The following PPP4R1 variants were observed in gnomAD, a reference collection of about 807,000 sequenced individuals.
The protein encoded by PPP4R1 is protein phosphatase 4 regulatory subunit 1, also known as serine/threonine-protein phosphatase 4 regulatory subunit 1.
PPP4R1 carries 42 observed loss-of-function variants against 111.2 expected under a neutral mutation model. The ratio of observed to expected loss-of-function variants is 0.38; its 90% CI spans 0.29 to 0.49. The LOEUF (loss-of-function observed/expected upper bound fraction) is 0.49. PPP4R1 is among the 20% of genes least tolerant of loss of function. The probability of loss-of-function intolerance (pLI) is 0.97; values close to 1 mark genes in which losing one functional copy is unlikely to be tolerated. For missense variants in PPP4R1, 1,012 were observed against 1,161.6 expected, an observed-to-expected ratio of 0.87 and a Z score of 1.87; for synonymous variants, 409 against 405.5, an observed-to-expected ratio of 1.01 and a Z score of -0.10.
At chr18:9,594,055 G>C in intron 3 of PPP4R1, 181 bp from the exon 4 acceptor site, 2 of 533,766 alleles carry the variant, frequency 3.7e-6, no homozygotes, top group Non-Finnish European at 6.8e-6. Context: ...AGCCTCCTGA[G>C]TAGCTGAGAC....
intron 15 of PPP4R1, 117 bp downstream of exon 15, chr18:9,557,104 G>T: frequency 1.0e-6 from 1 of 972,508 alleles, no homozygotes; most frequent in Non-Finnish European, 1.5e-6. Flanking sequence ...ATCAACTTAT[G>T]GCTGTGTTTT....
intron 5 of PPP4R1, 45 bp downstream of exon 5, chr18:9,588,666 A>C: frequency 2.0e-6 from 3 of 1,517,576 alleles, no homozygotes; most frequent in Non-Finnish European, 2.7e-6. Context: ...TCCATATATT[A>C]CACTACGTAA....
chr18:9,615,809 G>A (rs141503493), upstream of PPP4R1, among the ~76,000 whole-genome samples: 501 of 152,286 alleles, frequency 3.3e-3, 3 homozygotes, highest in Non-Finnish European at 3.1e-3. Context: ...CAATGTGTTG[G>A]CATTTAATGC....
chr18:9,609,290 T>C (rs1415557567), intron 2 of PPP4R1, among the ~76,000 whole-genome samples: 1 of 152,150 alleles, frequency 6.6e-6, no homozygotes, highest in Non-Finnish European at 1.5e-5. Context: ...TACTCCTAAA[T>C]ATGATTCACG....
chr18:9,595,842 T>C (rs1769411025), intron 2 of PPP4R1, among the ~76,000 whole-genome samples: 1 of 152,098 alleles, frequency 6.6e-6, no homozygotes, highest in African/African-American at 2.4e-5. Flanking sequence ...AAAAGGTAAT[T>C]ATTTCAAAGG....
intron 16 of PPP4R1, among the ~76,000 whole-genome samples, chr18:9,552,753 A>C (rs183832621): frequency 8.5e-5 from 13 of 152,306 alleles, no homozygotes; most frequent in Admixed American, 8.5e-4. Flanking sequence ...CCCAACCCAA[A>C]TGTTCCTCAA....
At chr18:9,580,351 A>AT (rs3974279) in intron 9 of PPP4R1, among the ~76,000 whole-genome samples, 32,289 of 146,206 alleles carry the variant, frequency 0.22, 3,780 homozygotes, top group Non-Finnish European at 0.26. Context: ...TGAGAGTCTA[A>AT]TTTTTTTTTT....
intron 3 of PPP4R1, 60 bp downstream of exon 3, chr18:9,594,957 CT>C (rs2067268098): frequency 6.4e-7 from 1 of 1,566,404 alleles, no homozygotes; most frequent in African/African-American, 1.4e-5. Context: ...TTCATTTTCC[CT>C]ACTGAAGTTA....
At chr18:9,607,473 C>T (rs1012253638) in intron 2 of PPP4R1, among the ~76,000 whole-genome samples, 9 of 151,594 alleles carry the variant, frequency 5.9e-5, no homozygotes, top group East Asian at 5.8e-4. Flanking sequence ...TAATATATAA[C>T]GAACTCTCAA....
intron 3 of PPP4R1, among the ~76,000 whole-genome samples, chr18:9,594,542 A>T (rs1330735403): frequency 2.0e-5 from 3 of 152,196 alleles, no homozygotes; most frequent in Non-Finnish European, 4.4e-5. Context: ...GCTATACCCA[A>T]AAAATCTGAA....
At chr18:9,553,518 ATTC>A in intron 15 of PPP4R1, 96 bp from the exon 16 acceptor site, 1 of 759,596 alleles carries the variant, frequency 1.3e-6, no homozygotes, top group South Asian at 1.7e-5. Flanking sequence ...AATATGGTTA[ATTC>A]TTCTGAAGAG....
chr18:9,597,253 A>G (rs1023106884), intron 2 of PPP4R1, among the ~76,000 whole-genome samples: 1 of 152,230 alleles, frequency 6.6e-6, no homozygotes, highest in Non-Finnish European at 1.5e-5. Context: ...TGAGCCCTAT[A>G]TTCCTCCAGC....
chr18:9,548,598 C>T (rs569273960), intron 19 of PPP4R1, among the ~76,000 whole-genome samples: 1 of 152,248 alleles, frequency 6.6e-6, no homozygotes, highest in East Asian at 1.9e-4. Flanking sequence ...ATGGTTTGTA[C>T]ATAAAAACAA....
intron 15 of PPP4R1, among the ~76,000 whole-genome samples, chr18:9,556,246 G>A (rs538849525): frequency 1.3e-5 from 2 of 150,944 alleles, no homozygotes; most frequent in South Asian, 4.2e-4. Context: ...CAGCTGGAGT[G>A]CAGTGGCATG....
At chr18:9,588,357 A>G (rs1454629744) in intron 5 of PPP4R1, 122 bp from the exon 6 acceptor site, 1 of 1,058,294 alleles carries the variant, frequency 9.4e-7, no homozygotes, top group Non-Finnish European at 1.3e-6. Flanking sequence ...AACTCCGCAA[A>G]TAAATATTTG....
intron 2 of PPP4R1, among the ~76,000 whole-genome samples, chr18:9,597,755 A>G (rs2067313187): frequency 6.6e-6 from 1 of 152,328 alleles, no homozygotes; most frequent in African/African-American, 2.4e-5. Context: ...ATGAATATAA[A>G]AATAGCTAGC....
At chr18:9,606,144 A>G (rs942474126) in intron 2 of PPP4R1, among the ~76,000 whole-genome samples, 1 of 152,230 alleles carries the variant, frequency 6.6e-6, no homozygotes, top group African/African-American at 2.4e-5. Flanking sequence ...GTGAAACATC[A>G]AGATTCATTC....
chr18:9,603,042 T>C (rs558003297), intron 2 of PPP4R1, among the ~76,000 whole-genome samples: 1 of 152,332 alleles, frequency 6.6e-6, no homozygotes, highest in Admixed American at 6.5e-5. Context: ...CCCTCCCACT[T>C]TGCATTTCAG....
In PPP4R1 at chr18:9,547,847, T is replaced by C. The variant is rs763225839; in HGVS notation, c.2795A>G (p.His932Arg). The C allele has an allele frequency of 1.2e-6, 2 of 1,612,878 alleles. No individual in the cohort carries two copies. The highest frequency in any genetic ancestry group is 8.5e-7 in the Non-Finnish European group (1 of 1,179,998). The part of the protein sequence containing the change: ...DSDVKYFASI[H>R]PASTKISEDA... ...TTCGGAGATTTTGGTACTGGCAGGG[T>C]GGATGCTTGCAAAATACTTGACATC... The change falls in exon 20 of 20, where the codon CAC becomes CGC. Residue 932 changes from histidine (H) to arginine (R), a missense_variant. His to Arg is a conservative substitution (Grantham distance 29). Transcript: ENST00000400556.
Sources: gnomAD v4.1 joint callset for allele counts (sites outside exome capture counted in the v4.1 genomes callset) on GRCh38, gnomAD v4.1.1 for gene constraint, MANE v1.5 for transcripts, NCBI Gene and HGNC (gene_info 2026-07-23, HGNC 2026-07-21) for gene names.